Variants in PRRC2B observed in about 807,000 individuals in gnomAD.
PRRC2B encodes the protein proline rich coiled-coil 2B.
In PRRC2B, 68 loss-of-function variants were observed where a neutral mutation model predicts 242.3. The observed-to-expected ratio is 0.28, with a 90% confidence interval of 0.23 to 0.34. The LOEUF is 0.34. PRRC2B is among the 10% of genes least tolerant of loss of function. The probability of loss-of-function intolerance (pLI) is 1.00; values close to 1 mark genes in which losing one functional copy is unlikely to be tolerated. For missense variants in PRRC2B, 2,835 were observed against 2,954.8 expected (o/e 0.96, Z 0.94); for synonymous variants, 1,228 against 1,173.6 (o/e 1.05, Z -0.95).
chr9:131,429,035 A>T (rs965449855), intron 1 of PRRC2B, among the ~76,000 whole-genome samples: 1 of 152,056 alleles, frequency 6.6e-6, no homozygotes, highest in African/African-American at 2.4e-5. Context: ...GACTCACTGC[A>T]GCCCAGGTTC....
At chr9:131,458,503 ATT>A (rs61143148) in intron 10 of PRRC2B, among the ~76,000 whole-genome samples, 108 of 147,396 alleles carry the variant, frequency 7.3e-4, no homozygotes, top group Admixed American at 1.5e-3. Context: ...ATGTGTTTTT[ATT>A]TTTTTTTTTT....
At chr9:131,430,837 C>A (rs1462408715) in intron 2 of PRRC2B, among the ~76,000 whole-genome samples, 1 of 151,994 alleles carries the variant, frequency 6.6e-6, no homozygotes, top group Non-Finnish European at 1.5e-5. Context: ...AGGTGATCCA[C>A]CCGCCTCGGC....
At chr9:131,411,712 A>G (rs1222974858) in intron 1 of PRRC2B, among the ~76,000 whole-genome samples, 2 of 151,968 alleles carry the variant, frequency 1.3e-5, no homozygotes, top group Non-Finnish European at 2.9e-5. Context: ...AAACTTTTTT[A>G]GTAGAGAGTG....
chr9:131,409,381 T>C (rs1157995406), intron 1 of PRRC2B, among the ~76,000 whole-genome samples: 1 of 152,048 alleles, frequency 6.6e-6, no homozygotes, highest in Non-Finnish European at 1.5e-5. Context: ...GATTTCACCA[T>C]GTTGGTTGGC....
chr9:131,476,329 G>A lies in PRRC2B; in HGVS notation c.4200G>A (p.Gln1400=). The A allele has an allele frequency of 6.3e-7, 1 of 1,583,220 alleles. No individual in the cohort carries two copies. Among genetic ancestry groups the A allele is most frequent in the Non-Finnish European group, 8.6e-7 (1 of 1,165,070 alleles). Residue 1400 remains glutamine, a synonymous_variant, in exon 16 of 32, where the codon CAG becomes CAA. Coordinates refer to ENST00000683519, the MANE Select transcript of PRRC2B (RefSeq NM_013318.4). The part of the protein sequence containing the change: ...REGPGSEPDS[Q]VDGGLSGASL... ...GCCCTGGGTCCGAGCCCGACTCCCA[G>A]GTGGATGGTGGCCTGTCGGGGGCTA...
intron 1 of PRRC2B, among the ~76,000 whole-genome samples, chr9:131,426,796 C>T (rs1351450753): frequency 6.6e-6 from 1 of 152,232 alleles, no homozygotes; most frequent in Non-Finnish European, 1.5e-5. Context: ...CTCTCTTACG[C>T]CCTCTAGTAC....
intron 13 of PRRC2B, among the ~76,000 whole-genome samples, chr9:131,470,553 C>T (rs1456326360): frequency 6.6e-6 from 1 of 152,126 alleles, no homozygotes; most frequent in Non-Finnish European, 1.5e-5. Flanking sequence ...ACAGATGAGC[C>T]TCCATTGTGA....
chr9:131,484,100 T>G (rs562390354), intron 23 of PRRC2B, among the ~76,000 whole-genome samples: 12 of 152,358 alleles, frequency 7.9e-5, no homozygotes, highest in Admixed American at 3.3e-4. Flanking sequence ...TACGAGGTTC[T>G]TTACTCGAGA....
chr9:131,438,515 C>T (rs1838449466), intron 4 of PRRC2B, among the ~76,000 whole-genome samples: 1 of 152,152 alleles, frequency 6.6e-6, no homozygotes, highest in Admixed American at 6.5e-5. Flanking sequence ...GTGCTGCAGC[C>T]AGCCCACCCA....
intron 30 of PRRC2B, among the ~76,000 whole-genome samples, chr9:131,493,187 A>G (rs1056259130): frequency 1.3e-5 from 2 of 152,082 alleles, no homozygotes; most frequent in Admixed American, 6.6e-5. Flanking sequence ...CCATCACAGC[A>G]TTCCACTCTT....
intron 11 of PRRC2B, 147 bp from the exon 12 acceptor site, chr9:131,464,616 C>G: frequency 1.4e-6 from 1 of 707,984 alleles, no homozygotes; most frequent in South Asian, 2.0e-5. Context: ...GAGCAGGATT[C>G]GAACCCAGCT....
intron 5 of PRRC2B, among the ~76,000 whole-genome samples, chr9:131,440,047 G>A (rs1376647867): frequency 2.0e-5 from 3 of 151,866 alleles, no homozygotes; most frequent in East Asian, 1.9e-4. Flanking sequence ...GCACCACCAC[G>A]CCTGGCTTAT....
chr9:131,476,556 G>A (rs760723417), intron 16 of PRRC2B, 21 bp downstream of exon 16: 1 of 1,552,310 alleles, frequency 6.4e-7, no homozygotes, highest in South Asian at 1.2e-5. Context: ...ACACCATCTG[G>A]GCCCTTTTTG....
intron 12 of PRRC2B, among the ~76,000 whole-genome samples, chr9:131,466,831 T>C (rs1943409346): frequency 6.6e-6 from 1 of 151,502 alleles, no homozygotes; most frequent in South Asian, 2.1e-4. Context: ...AGACGGATTC[T>C]CACTCTGTCG....
At chr9:131,486,395 C>CTTCCAAAACATTGTTT in intron 26 of PRRC2B, 1 of 721,592 alleles carries the variant, frequency 1.4e-6, no homozygotes, top group Non-Finnish European at 1.7e-6. Context: ...CTGCTCCAGA[C>CTTCCAAAACATTGTTT]TCTGCTTAGT....
In PRRC2B at chr9:131,497,926, C is replaced by G. The variant is rs577593482; in HGVS notation, c.*2052C>G. Reference sequence around the variant, plus strand: ...TGAGCCCTCTCTGTCCCCACCGGCCCTCCTTGCCAAGCCATTCCTGGGTGA... The same window carrying G: ...TGAGCCCTCTCTGTCCCCACCGGCCGTCCTTGCCAAGCCATTCCTGGGTGA... On this transcript the variant is annotated 3_prime_UTR_variant, in exon 32 of 32. Transcript: ENST00000683519. 1 of 152,428 alleles carries G rather than the reference C, an allele frequency of 6.6e-6. No homozygotes were observed. The highest frequency in any genetic ancestry group is 1.5e-5 in the Non-Finnish European group (1 of 68,128). The allele number at this position is 152,428 out of a possible 1,614,324, so 9.4% of individuals were successfully genotyped here.
intron 5 of PRRC2B, among the ~76,000 whole-genome samples, 159 bp downstream of exon 5, chr9:131,439,220 G>A (rs1253562533): frequency 2.6e-5 from 4 of 152,174 alleles, no homozygotes; most frequent in African/African-American, 4.8e-5. Flanking sequence ...CACAGCGGGC[G>A]CTGACTCTGT....
chr9:131,419,118 A>G (rs943877867), intron 1 of PRRC2B, among the ~76,000 whole-genome samples: 7 of 152,222 alleles, frequency 4.6e-5, no homozygotes, highest in African/African-American at 1.7e-4. Flanking sequence ...AAGGCCATCT[A>G]TTGTAACATC....
intron 1 of PRRC2B, among the ~76,000 whole-genome samples, chr9:131,424,096 C>G (rs1345855252): frequency 6.6e-6 from 1 of 152,176 alleles, no homozygotes; most frequent in African/African-American, 2.4e-5. Context: ...TCACCACGCC[C>G]AGCTAATTTT....
Sources: allele counts gnomAD v4.1 joint callset (sites outside exome capture counted in the v4.1 genomes callset), GRCh38; gene constraint gnomAD v4.1.1; transcripts MANE v1.5; gene names NCBI Gene and HGNC (gene_info 2026-07-23, HGNC 2026-07-21).